Variants in UBR7 observed in about 807,000 individuals in gnomAD.
The protein encoded by UBR7 is putative E3 ubiquitin-protein ligase UBR7.
UBR7 carries 22 observed loss-of-function variants against 57.0 expected under a neutral mutation model. The observed-to-expected ratio is 0.39, with a 90% CI of 0.28 to 0.55. UBR7 has a LOEUF of 0.55. Ranked by LOEUF, UBR7 falls within the 20% of genes least tolerant of loss-of-function variation. The pLI, the probability that UBR7 is intolerant of heterozygous loss-of-function variation, is 0.69. For synonymous variants in UBR7, 167 were observed against 179.8 expected (o/e 0.93, Z 0.57); for missense variants, 395 against 513.2 (o/e 0.77, Z 2.23).
At chr14:93,218,914 G>A (rs1018305734) in intron 7 of UBR7, among the ~76,000 whole-genome samples, 179 bp downstream of exon 7, 2 of 151,880 alleles carry the variant, frequency 1.3e-5, no homozygotes, top group Admixed American at 1.3e-4. Context: ...AACTAGCCAG[G>A]CATGGTGGCA....
intron 3 of UBR7, among the ~76,000 whole-genome samples, chr14:93,211,825 A>C (rs1037059562): frequency 2.0e-5 from 3 of 152,112 alleles, no homozygotes; most frequent in African/African-American, 7.2e-5. Flanking sequence ...ACCACAAAAA[A>C]AAACAAAAAA....
chr14:93,208,452 C>T (rs1894413018), intron 1 of UBR7, among the ~76,000 whole-genome samples: 1 of 149,596 alleles, frequency 6.7e-6, no homozygotes, highest in South Asian at 2.1e-4. Flanking sequence ...AACAATTTTT[C>T]CCCTGCTTTA....
Position 93,228,391 on chromosome 14 carries a change from A to C in UBR7, c.*1356A>C. 2.2e-6 allele frequency: 1 copy of C among 454,430 alleles called. No homozygotes were observed. The highest frequency in any genetic ancestry group is 4.4e-6 in the Non-Finnish European group (1 of 226,870). The allele number at this position is 454,430 out of a possible 1,614,324, so 28.1% of individuals were successfully genotyped here. Reference sequence around the variant, plus strand: ...CGGAGACACACCTTGATGTATGTTAATAAAAGCATTTCAGGCTGTGGGGCC... The same window carrying C: ...CGGAGACACACCTTGATGTATGTTACTAAAAGCATTTCAGGCTGTGGGGCC... On this transcript the variant is annotated 3_prime_UTR_variant, in exon 11 of 11. Transcript: ENST00000013070.
chr14:93,223,459 A>T (rs1001580574), intron 10 of UBR7: 3 of 422,166 alleles, frequency 7.1e-6, no homozygotes, highest in African/African-American at 2.2e-5. Flanking sequence ...GCTACTTGGG[A>T]GGCTGGCTTG....
At chr14:93,223,793 C>T (rs1257196635) in intron 10 of UBR7, 3 of 739,592 alleles carry the variant, frequency 4.1e-6, no homozygotes, top group Non-Finnish European at 7.4e-6. Flanking sequence ...TGCCAGGCGC[C>T]CATAGACCTC....
Position 93,227,400 on chromosome 14 carries a change from G to T in UBR7, c.*365G>T, listed in dbSNP as rs1347137564. On this transcript the variant is annotated 3_prime_UTR_variant, in exon 11 of 11. Coordinates refer to ENST00000013070, the MANE Select transcript of UBR7 (RefSeq NM_175748.4). ...GTGTGTGTTTTGCCACAGAGCTGTTGCCTTCCAGAACCTCCTCCGCAGGCA... is the reference window on the plus strand; with the variant it reads ...GTGTGTGTTTTGCCACAGAGCTGTTTCCTTCCAGAACCTCCTCCGCAGGCA... 1.5e-6 allele frequency: 1 copy of T among 656,146 alleles called. No individual in the cohort carries two copies. Among genetic ancestry groups the T allele is most frequent in the Non-Finnish European group, 2.8e-6 (1 of 357,506 alleles). 40.6% of individuals were successfully genotyped at this position (656,146 alleles called of 1,614,324 possible). A position where few individuals can be genotyped will look rare whatever the true frequency, so the allele number is the denominator to read the frequency against.
intron 10 of UBR7, among the ~76,000 whole-genome samples, chr14:93,223,184 G>C (rs937453033): frequency 1.3e-5 from 2 of 152,038 alleles, no homozygotes; most frequent in African/African-American, 4.8e-5. Context: ...ATCACCTGAG[G>C]TCAGGAGTTC....
intron 10 of UBR7, among the ~76,000 whole-genome samples, chr14:93,226,606 C>T (rs941267127): frequency 6.6e-6 from 1 of 151,936 alleles, no homozygotes; most frequent in Non-Finnish European, 1.5e-5. Flanking sequence ...CTGGCTAACA[C>T]GGTGAAACCC....
rs201000262 is a variant in UBR7, at chr14:93,218,550, G to A, written c.625G>A (p.Asp209Asn). 15 of 1,614,048 alleles carry A rather than the reference G, an allele frequency of 9.3e-6. No homozygotes were observed. The highest frequency in any genetic ancestry group is 1.1e-5 in the Non-Finnish European group (13 of 1,180,048). Residue 209 changes from aspartate (D) to asparagine (N), a missense_variant, in exon 7 of 11, where the codon GAT (aspartate) becomes AAT (asparagine). By Grantham distance (23) the Asp-to-Asn change is conservative. Coordinates refer to ENST00000013070, the MANE Select transcript of UBR7 (RefSeq NM_175748.4). ...AGTAACCAAAATATCCACTGAGGAT[G>A]ATGGATTGGTGCGGAACATTGATGG... The part of the protein sequence containing the change: ...LAVTKISTED[D>N]GLVRNIDGIG...
chr14:93,214,415 A>T (rs1417515370), intron 4 of UBR7, among the ~76,000 whole-genome samples: 1 of 152,224 alleles, frequency 6.6e-6, no homozygotes, highest in Admixed American at 6.5e-5. Context: ...GTCCTTTGGT[A>T]TATTATTTTC....
At position 93,227,039 on chromosome 14, in the gene UBR7, G is replaced by A. The variant is rs772053948; in HGVS notation, c.*4G>A. On this transcript the variant is annotated 3_prime_UTR_variant, in exon 11 of 11. Coordinates refer to ENST00000013070, the MANE Select transcript of UBR7 (RefSeq NM_175748.4). The stretch of plus-strand genomic sequence containing the variant: ...GATGCAGTATTACTGCAGCTAGAGT[G>A]GAGTATGAAGCTTTCTCATTCAAGC... 4 of 1,599,048 alleles carry A rather than the reference G, an allele frequency of 2.5e-6. No homozygotes were observed. The South Asian group carries it at 3.3e-5, about 13-fold the overall frequency.
At chr14:93,207,556 C>A in intron 1 of UBR7, 115 bp downstream of exon 1, 1 of 1,358,234 alleles carries the variant, frequency 7.4e-7, no homozygotes, top group Non-Finnish European at 9.7e-7. Flanking sequence ...TGGTCCGGGG[C>A]CGCCGTTAGT....
chr14:93,221,179 C>T (rs971050797), intron 9 of UBR7, among the ~76,000 whole-genome samples: 1 of 151,290 alleles, frequency 6.6e-6, no homozygotes, highest in Non-Finnish European at 1.5e-5. Context: ...GGCGCGATCT[C>T]GGCTCACTGC....
rs952684024 is a variant in UBR7, at chr14:93,220,326, G to A, written c.1038G>A (p.Lys346=). The A allele has an allele frequency of 6.2e-7, 1 of 1,611,532 alleles. No individual in the cohort carries two copies. Residue 346 remains lysine (K), a synonymous_variant, in exon 9 of 11, where the codon AAG becomes AAA. Coordinates refer to ENST00000013070, the MANE Select transcript of UBR7 (RefSeq NM_175748.4). ...TTCTGGCTTATGAAAACAAAGGGAA[G>A]ATTGCCCAGGCCACTGACAGGAGCG... The part of the protein sequence containing the change: ...DTVLAYENKG[K]IAQATDRSDP...
At chr14:93,211,446 C>T (rs55997330) in intron 3 of UBR7, among the ~76,000 whole-genome samples, 3,527 of 151,454 alleles carry the variant, frequency 0.023, 147 homozygotes, top group African/African-American at 0.082. Context: ...ACTTGGGAGG[C>T]TGAGGCAGGA....
At chr14:93,219,003 C>T (rs369331251) in intron 7 of UBR7, among the ~76,000 whole-genome samples, 1 of 151,340 alleles carries the variant, frequency 6.6e-6, no homozygotes, top group African/African-American at 2.4e-5. Flanking sequence ...TACAGTGATC[C>T]GAGATCATGC....
chr14:93,220,183 T>G, intron 8 of UBR7, 66 bp from the exon 9 acceptor site: 3 of 1,541,516 alleles, frequency 1.9e-6, no homozygotes, highest in Non-Finnish European at 1.7e-6. Context: ...ATTGGCTTTC[T>G]GAGAATGATA....
At chr14:93,224,754 A>G (rs1894811052) in intron 10 of UBR7, among the ~76,000 whole-genome samples, 1 of 152,162 alleles carries the variant, frequency 6.6e-6, no homozygotes, top group South Asian at 2.1e-4. Context: ...ATACAGACTC[A>G]AGCTTCTTTG....
At chr14:93,208,144 T>C (rs1894406171) in intron 1 of UBR7, among the ~76,000 whole-genome samples, 1 of 152,048 alleles carries the variant, frequency 6.6e-6, no homozygotes, top group African/African-American at 2.4e-5. Flanking sequence ...GGGTGTGATG[T>C]GGTGTTTAGT....
Sources: allele counts gnomAD v4.1 joint callset (sites outside exome capture counted in the v4.1 genomes callset), GRCh38; gene constraint gnomAD v4.1.1; transcripts MANE v1.5; gene names NCBI Gene and HGNC (gene_info 2026-07-23, HGNC 2026-07-21).